NLGN1: variants seen among roughly 807,000 people sequenced by gnomAD.
The protein encoded by NLGN1 is neuroligin-1.
Under a neutral mutation model 65.5 loss-of-function variants are expected in NLGN1, and 12 were observed. The ratio of observed to expected loss-of-function variants is 0.18; its 90% CI spans 0.12 to 0.30. The LOEUF (loss-of-function observed/expected upper bound fraction) is 0.30. Among genes scored for constraint, NLGN1 ranks in the 10% least tolerant of loss-of-function variants. The pLI, the probability that NLGN1 is intolerant of heterozygous loss-of-function variation, is 1.00. For synonymous variants in NLGN1, 350 were observed against 359.5 expected (o/e 0.97, Z 0.30); for missense variants, 750 against 1,007.1 (o/e 0.74, Z 3.46).
intron 2 of NLGN1, among the ~76,000 whole-genome samples, chr3:173,541,908 C>G (rs911966407): frequency 6.6e-6 from 1 of 151,896 alleles, no homozygotes; most frequent in Non-Finnish European, 1.5e-5. Flanking sequence ...TTTGTTCATT[C>G]TTTTTGCTGG....
At chr3:173,545,669 A>G (rs993903352) in intron 2 of NLGN1, among the ~76,000 whole-genome samples, 1 of 152,320 alleles carries the variant, frequency 6.6e-6, no homozygotes. Flanking sequence ...CACTGTTCAC[A>G]ATAGCAAAGA....
chr3:173,839,270 A>G (rs1210369563), intron 4 of NLGN1, among the ~76,000 whole-genome samples: 1 of 152,040 alleles, frequency 6.6e-6, no homozygotes, highest in African/African-American at 2.4e-5. Flanking sequence ...ATTTTGAAGT[A>G]AATTTGGAAA....
intron 4 of NLGN1, among the ~76,000 whole-genome samples, chr3:174,264,569 T>G (rs924147463): frequency 1.1e-4 from 16 of 149,022 alleles, no homozygotes; most frequent in Non-Finnish European, 1.9e-4. Flanking sequence ...TTGGTTATTC[T>G]AGTTATACAT....
At chr3:173,751,338 A>G (rs538614180) in intron 3 of NLGN1, among the ~76,000 whole-genome samples, 23 of 152,218 alleles carry the variant, frequency 1.5e-4, no homozygotes, top group East Asian at 3.9e-4. Context: ...ATGTTTATCA[A>G]TTATTTAATA....
chr3:173,929,677 C>CTT (rs558717850), intron 4 of NLGN1, among the ~76,000 whole-genome samples: 1 of 144,766 alleles, frequency 6.9e-6, no homozygotes, highest in African/African-American at 2.5e-5. Flanking sequence ...ACCCAATAAG[C>CTT]TTTTTTTTTT....
At chr3:174,001,067 A>C (rs1723194136) in intron 4 of NLGN1, among the ~76,000 whole-genome samples, 1 of 152,220 alleles carries the variant, frequency 6.6e-6, no homozygotes, top group South Asian at 2.1e-4. Flanking sequence ...GGTGCAAATG[A>C]AAGATTTAAT....
At chr3:174,294,154 T>C in the NLGN1 span, among the ~76,000 whole-genome samples, 17 of 151,996 alleles carry the variant, frequency 1.1e-4, no homozygotes, top group Admixed American at 1.0e-3. Context: ...ATCAATTTTT[T>C]ATATTTTCCA....
intron 4 of NLGN1, among the ~76,000 whole-genome samples, chr3:173,988,082 T>C (rs2152406290): frequency 1.3e-5 from 2 of 152,348 alleles, no homozygotes; most frequent in East Asian, 3.9e-4. Context: ...TTACAGAATA[T>C]GCCCACTTTT....
At chr3:174,162,008 A>G (rs940731368) in intron 4 of NLGN1, among the ~76,000 whole-genome samples, 3 of 151,846 alleles carry the variant, frequency 2.0e-5, no homozygotes, top group African/African-American at 7.2e-5. Flanking sequence ...CCCATCTAAT[A>G]TAGGAATCGT....
At chr3:173,759,274 C>A (rs1777599993) in intron 3 of NLGN1, among the ~76,000 whole-genome samples, 1 of 151,932 alleles carries the variant, frequency 6.6e-6, no homozygotes, top group Non-Finnish European at 1.5e-5. Flanking sequence ...GAAATCCCTG[C>A]ACATCAGCTG....
chr3:173,907,363 T>C (rs1230269372), intron 4 of NLGN1, among the ~76,000 whole-genome samples: 1 of 152,204 alleles, frequency 6.6e-6, no homozygotes, highest in Non-Finnish European at 1.5e-5. Flanking sequence ...GTCCAGTTAG[T>C]GGAGAATACT....
intron 4 of NLGN1, among the ~76,000 whole-genome samples, chr3:174,102,349 C>A (rs984049653): frequency 4.0e-5 from 6 of 151,898 alleles, no homozygotes; most frequent in Non-Finnish European, 7.4e-5. Context: ...TAATAAAGAT[C>A]TTTTTTCTAA....
intron 3 of NLGN1, among the ~76,000 whole-genome samples, chr3:173,705,756 T>C (rs1767955178): frequency 6.6e-6 from 1 of 152,128 alleles, no homozygotes; most frequent in Non-Finnish European, 1.5e-5. Context: ...CTTTTTTTTT[T>C]CTTCCTAATA....
chr3:173,736,822 C>A (rs1185103949), intron 3 of NLGN1, among the ~76,000 whole-genome samples: 1 of 151,994 alleles, frequency 6.6e-6, no homozygotes, highest in Admixed American at 6.6e-5. Flanking sequence ...TACCTACCCA[C>A]TAATGTTGGC....
intron 4 of NLGN1, among the ~76,000 whole-genome samples, chr3:173,855,197 T>C (rs1411801055): frequency 6.6e-6 from 1 of 152,124 alleles, no homozygotes; most frequent in African/African-American, 2.4e-5. Flanking sequence ...TAAGAATTTA[T>C]ATTTTAAAAT....
intron 4 of NLGN1, among the ~76,000 whole-genome samples, chr3:173,929,262 T>C (rs1560654158): frequency 6.6e-6 from 1 of 152,156 alleles, no homozygotes; most frequent in Admixed American, 6.6e-5. Context: ...AAGAAAAACT[T>C]GTAACCATTG....
At chr3:173,934,583 G>C (rs1216596192) in intron 4 of NLGN1, among the ~76,000 whole-genome samples, 2 of 151,788 alleles carry the variant, frequency 1.3e-5, no homozygotes, top group African/African-American at 4.8e-5. Context: ...TAGCTTTCTG[G>C]CCTTTTCTCA....
At chr3:173,636,537 C>T (rs1756620763) in intron 3 of NLGN1, among the ~76,000 whole-genome samples, 1 of 151,884 alleles carries the variant, frequency 6.6e-6, no homozygotes, top group South Asian at 2.1e-4. Context: ...CCTTATTCTA[C>T]TCTTAGCATA....
At chr3:174,246,898 G>A (rs1453845187) in intron 4 of NLGN1, among the ~76,000 whole-genome samples, 1 of 152,122 alleles carries the variant, frequency 6.6e-6, no homozygotes, top group Non-Finnish European at 1.5e-5. Context: ...GTTCACTCTA[G>A]GAATTTGACA....
Sources: allele counts gnomAD v4.1 joint callset (sites outside exome capture counted in the v4.1 genomes callset), GRCh38; gene constraint gnomAD v4.1.1; transcripts MANE v1.5; gene names NCBI Gene and HGNC (gene_info 2026-07-23, HGNC 2026-07-21).